Variants in DCC observed in about 807,000 individuals in gnomAD.
DCC encodes DCC netrin 1 receptor.
Under a neutral mutation model 172.5 loss-of-function variants are expected in DCC, and 58 were observed. The observed-to-expected ratio is 0.34, with a 90% CI of 0.27 to 0.42. The LOEUF is 0.42. Ranked by LOEUF, DCC falls within the 10% of genes least tolerant of loss-of-function variation. DCC has a pLI of 1.00. For synonymous variants in DCC, 709 were observed against 644.5 expected (o/e 1.10, Z -1.52); for missense variants, 1,740 against 1,791.0 (o/e 0.97, Z 0.51).
At chr18:52,813,777 A>G (rs2145254663) in intron 2 of DCC, among the ~76,000 whole-genome samples, 1 of 152,340 alleles carries the variant, frequency 6.6e-6, no homozygotes, top group Admixed American at 6.5e-5. Flanking sequence ...AAAAAGGCTG[A>G]GTCAATGAAA....
intron 1 of DCC, among the ~76,000 whole-genome samples, chr18:52,362,075 G>T (rs572136808): frequency 6.6e-6 from 1 of 152,290 alleles, no homozygotes; most frequent in East Asian, 1.9e-4. Flanking sequence ...CCAGTAATTG[G>T]TTGCTAATTA....
At chr18:52,379,313 G>A (rs1985488212) in intron 1 of DCC, among the ~76,000 whole-genome samples, 1 of 152,036 alleles carries the variant, frequency 6.6e-6, no homozygotes, top group Non-Finnish European at 1.5e-5. Context: ...GTGTAGTAGA[G>A]AGAGTTGAGG....
intron 26 of DCC, among the ~76,000 whole-genome samples, chr18:53,488,513 C>T (rs1405896388): frequency 2.0e-5 from 3 of 152,012 alleles, no homozygotes; most frequent in Non-Finnish European, 2.9e-5. Flanking sequence ...TTTCTTGTCC[C>T]TTTTTTTAAA....
intron 1 of DCC, among the ~76,000 whole-genome samples, chr18:52,413,723 A>G (rs945282331): frequency 4.6e-5 from 7 of 152,164 alleles, no homozygotes; most frequent in Admixed American, 1.3e-4. Flanking sequence ...ACTTCTTTAT[A>G]ACATGTTAGT....
intron 2 of DCC, among the ~76,000 whole-genome samples, chr18:52,883,643 GACTTATTGT>G (rs908714082): frequency 2.0e-5 from 3 of 151,752 alleles, no homozygotes; most frequent in African/African-American, 7.3e-5. Context: ...GTTTCTCTGT[GACTTATTGT>G]ACTTATTGTA....
chr18:53,415,665 T>C (rs1910269701), intron 20 of DCC, among the ~76,000 whole-genome samples: 1 of 152,150 alleles, frequency 6.6e-6, no homozygotes, highest in African/African-American at 2.4e-5. Flanking sequence ...TTAGATTATA[T>C]TGTACCATAT....
chr18:52,497,008 C>G (rs1243697476), intron 1 of DCC, among the ~76,000 whole-genome samples: 2 of 151,524 alleles, frequency 1.3e-5, no homozygotes, highest in Non-Finnish European at 1.5e-5. Flanking sequence ...AATCACAGCA[C>G]TTTGGGAAGT....
intron 1 of DCC, among the ~76,000 whole-genome samples, chr18:52,749,937 C>T (rs62081897): frequency 0.099 from 15,137 of 152,186 alleles, 957 homozygotes; most frequent in Middle Eastern, 0.22. Context: ...ATTACTCTAG[C>T]GAAATATCTT....
intron 2 of DCC, among the ~76,000 whole-genome samples, chr18:52,780,336 A>T (rs1217175658): frequency 1.3e-5 from 2 of 152,110 alleles, no homozygotes; most frequent in Non-Finnish European, 2.9e-5. Context: ...AAAATTTATG[A>T]TTGTCTTGTA....
At chr18:52,477,792 G>T (rs1989136574) in intron 1 of DCC, among the ~76,000 whole-genome samples, 1 of 152,130 alleles carries the variant, frequency 6.6e-6, no homozygotes, top group Admixed American at 6.6e-5. Context: ...CAATAAGTTT[G>T]ATTTCAAAAC....
intron 12 of DCC, among the ~76,000 whole-genome samples, chr18:53,263,020 G>T (rs1053092775): frequency 3.3e-5 from 5 of 152,170 alleles, no homozygotes; most frequent in Non-Finnish European, 7.4e-5. Flanking sequence ...GTTCCAATAA[G>T]AACTGGATTT....
chr18:53,495,403 AAAAG>A (rs1187374305), intron 26 of DCC, among the ~76,000 whole-genome samples: 2 of 150,982 alleles, frequency 1.3e-5, no homozygotes, highest in South Asian at 2.1e-4. Context: ...AAAAAAAAAA[AAAAG>A]AAAGAAAGAA....
chr18:52,344,130 C>G (rs920723329), intron 1 of DCC, among the ~76,000 whole-genome samples: 3 of 152,230 alleles, frequency 2.0e-5, no homozygotes, highest in African/African-American at 7.2e-5. Context: ...AGATTTATAA[C>G]TTCTCAGTGT....
intron 1 of DCC, among the ~76,000 whole-genome samples, chr18:52,398,067 G>T (rs1986297394): frequency 6.6e-6 from 1 of 151,910 alleles, no homozygotes. Flanking sequence ...AGCACCAATT[G>T]CTATTTAACT....
intron 15 of DCC, among the ~76,000 whole-genome samples, chr18:53,380,233 G>A (rs1343668784): frequency 6.6e-6 from 1 of 152,158 alleles, no homozygotes; most frequent in East Asian, 1.9e-4. Context: ...AGAGCTCTGA[G>A]CATGTGCAGG....
chr18:52,856,640 A>AAAAAAAAAAAAAAAAAAAAC, intron 2 of DCC, among the ~76,000 whole-genome samples: 1 of 149,624 alleles, frequency 6.7e-6, no homozygotes, highest in Non-Finnish European at 1.5e-5. Context: ...AAAAAAAAAA[A>AAAAAAAAAAAAAAAAAAAAC]AAAGAAAACA....
At chr18:52,939,461 A>C (rs2040428412) in intron 5 of DCC, among the ~76,000 whole-genome samples, 1 of 152,156 alleles carries the variant, frequency 6.6e-6, no homozygotes, top group South Asian at 2.1e-4. Context: ...ACCCCACTGG[A>C]GTGAAGTCCT....
chr18:52,994,166 C>T (rs1191465139), intron 5 of DCC, among the ~76,000 whole-genome samples: 1 of 152,114 alleles, frequency 6.6e-6, no homozygotes, highest in African/African-American at 2.4e-5. Context: ...CTATAAAAAG[C>T]AGCCATCTAG....
At chr18:52,782,730 C>G (rs2037571055) in intron 2 of DCC, among the ~76,000 whole-genome samples, 1 of 152,004 alleles carries the variant, frequency 6.6e-6, no homozygotes, top group Non-Finnish European at 1.5e-5. Flanking sequence ...TGGCTTTATT[C>G]CAACCTCTCT....
Sources: gnomAD v4.1 joint callset for allele counts (sites outside exome capture counted in the v4.1 genomes callset) on GRCh38, gnomAD v4.1.1 for gene constraint, MANE v1.5 for transcripts, NCBI Gene and HGNC (gene_info 2026-07-23, HGNC 2026-07-21) for gene names.